CNTNAP5: variants seen among roughly 807,000 people sequenced by gnomAD.
CNTNAP5 encodes the protein contactin-associated protein-like 5.
In CNTNAP5, 72 loss-of-function variants were observed where a neutral mutation model predicts 150.2. That is an observed-to-expected ratio of 0.48 (90% CI 0.40 to 0.58). The LOEUF (loss-of-function observed/expected upper bound fraction) is 0.58, where lower values mean the gene tolerates loss of function less well. CNTNAP5 is among the 20% of genes least tolerant of loss of function. The pLI, the probability that CNTNAP5 is intolerant of heterozygous loss-of-function variation, is 0.00. For synonymous variants in CNTNAP5, 672 were observed against 619.8 expected (o/e 1.08, Z -1.25); for missense variants, 1,636 against 1,626.2 (o/e 1.01, Z -0.10).
At chr2:124,675,008 T>G (rs1450807831) in intron 13 of CNTNAP5, among the ~76,000 whole-genome samples, 1 of 152,134 alleles carries the variant, frequency 6.6e-6, no homozygotes, top group Admixed American at 6.5e-5. Context: ...TCTATGTTCT[T>G]GATCTTCTGC....
chr2:124,563,381 G>A lies in CNTNAP5; in HGVS notation c.1756+58G>A, dbSNP rs534010559. 6 of 981,068 alleles carry A rather than the reference G, an allele frequency of 6.1e-6. No homozygotes were observed. In the South Asian group the frequency reaches 7.1e-5, roughly 12 times the overall value. 60.8% of individuals were successfully genotyped at this position (981,068 alleles called of 1,614,324 possible). A position where few individuals can be genotyped will look rare whatever the true frequency, so the allele number is the denominator to read the frequency against. ...TGGACAAAACTCCAGGAACACCATT[G>A]TTAACTTCAGGATGTATTTAGCATG... On this transcript the variant is annotated intron_variant, in intron 11 of 23. Coordinates refer to ENST00000682447, the MANE Select transcript of CNTNAP5 (RefSeq NM_001367498.1).
At chr2:124,510,101 G>A (rs113723362) in intron 8 of CNTNAP5, among the ~76,000 whole-genome samples, 6,031 of 151,450 alleles carry the variant, frequency 0.04, 146 homozygotes, top group Non-Finnish European at 0.047. Flanking sequence ...CTTGCTACTC[G>A]GGAGGCTGAG....
chr2:124,608,986 A>G (rs1677313012), intron 11 of CNTNAP5, among the ~76,000 whole-genome samples: 1 of 152,074 alleles, frequency 6.6e-6, no homozygotes, highest in African/African-American at 2.4e-5. Context: ...GTAAAAAGCC[A>G]TACTGTATGT....
intron 3 of CNTNAP5, among the ~76,000 whole-genome samples, chr2:124,271,073 A>G (rs1463944143): frequency 1.3e-5 from 2 of 152,008 alleles, no homozygotes; most frequent in African/African-American, 2.4e-5. Context: ...GTCGTGAGCA[A>G]TCTCCTACTG....
intron 10 of CNTNAP5, among the ~76,000 whole-genome samples, chr2:124,539,627 G>T (rs917776555): frequency 6.6e-6 from 1 of 152,100 alleles, no homozygotes; most frequent in Non-Finnish European, 1.5e-5. Flanking sequence ...AAAGCAAGGC[G>T]ATATTATTCC....
At chr2:124,162,593 C>T (rs1529305) in intron 1 of CNTNAP5, among the ~76,000 whole-genome samples, 147,494 of 152,270 alleles carry the variant, frequency 0.97, 71,611 homozygotes, top group East Asian at 1. Flanking sequence ...AACATGATTC[C>T]TTCTCTTTAT....
intron 3 of CNTNAP5, among the ~76,000 whole-genome samples, chr2:124,357,363 G>A (rs377158403): frequency 1.3e-5 from 2 of 152,144 alleles, no homozygotes; most frequent in South Asian, 2.1e-4. Context: ...TTGGTGTTGT[G>A]GACATGAAGT....
In CNTNAP5 at chr2:124,909,204, G is replaced by A. The variant is rs115960298; in HGVS notation, c.3656-2263G>A. ...CATTCATGATAAGTGCCCTGTGCAG[G>A]TGTAGCATTTATTTAAATCTCATAT... On this transcript the variant is annotated intron_variant, in intron 22 of 23. Coordinates refer to ENST00000682447, the MANE Select transcript of CNTNAP5 (RefSeq NM_001367498.1). Among the ~76,000 whole-genome samples, 845 of 152,244 alleles carry A rather than the reference G, an allele frequency of 5.6e-3. 8 individuals are homozygous for A. The highest frequency in any genetic ancestry group is 0.02 in the African/African-American group (811 of 41,562).
intron 1 of CNTNAP5, among the ~76,000 whole-genome samples, chr2:124,195,456 A>G (rs943035471): frequency 6.6e-6 from 1 of 152,332 alleles, no homozygotes; most frequent in Admixed American, 6.5e-5. Flanking sequence ...ACTGTCCCAC[A>G]GCACCGACAG....
chr2:124,638,548 G>A (rs1678021100), intron 12 of CNTNAP5, among the ~76,000 whole-genome samples: 1 of 151,984 alleles, frequency 6.6e-6, no homozygotes, highest in Non-Finnish European at 1.5e-5. Context: ...TTTTGGACTT[G>A]CCTTTTCTTT....
intron 1 of CNTNAP5, among the ~76,000 whole-genome samples, chr2:124,037,214 C>T (rs532887397): frequency 6.6e-6 from 1 of 152,322 alleles, no homozygotes; most frequent in Non-Finnish European, 1.5e-5. Context: ...TTCATGCTTT[C>T]ACTGATGGCC....
chr2:124,826,088 C>G (rs1682586482), intron 19 of CNTNAP5, among the ~76,000 whole-genome samples: 1 of 151,702 alleles, frequency 6.6e-6, no homozygotes, highest in African/African-American at 2.4e-5. Flanking sequence ...ATATTAGCCT[C>G]AAGTAGTTTT....
intron 16 of CNTNAP5, among the ~76,000 whole-genome samples, chr2:124,765,682 G>C (rs966076702): frequency 6.6e-6 from 1 of 152,014 alleles, no homozygotes; most frequent in Non-Finnish European, 1.5e-5. Context: ...AAGTCAAGGC[G>C]CAGTGGCTCA....
Position 124,118,436 on chromosome 2 carries a change from G to T in CNTNAP5, c.82+92704G>T, listed in dbSNP as rs188025572. ...TCTCTGTCACTGGGCAGATTGAAGG[G>T]ATAGTAAAGAGGATTCAAAAGCACT... On this transcript the variant is annotated intron_variant, in intron 1 of 23. Coordinates refer to ENST00000682447, the MANE Select transcript of CNTNAP5 (RefSeq NM_001367498.1). Among the ~76,000 whole-genome samples the T allele has an allele frequency of 3.5e-3, 540 of 152,282 alleles. 4 individuals carry two copies. The highest frequency in any genetic ancestry group is 0.012 in the African/African-American group (502 of 41,558).
At chr2:124,774,396 A>T (rs1027509101) in intron 17 of CNTNAP5, among the ~76,000 whole-genome samples, 2 of 152,100 alleles carry the variant, frequency 1.3e-5, no homozygotes, top group African/African-American at 2.4e-5. Flanking sequence ...GAGTGTGAGG[A>T]TATCATATTC....
chr2:124,189,102 A>C (rs1469894064), intron 1 of CNTNAP5, among the ~76,000 whole-genome samples: 1 of 152,100 alleles, frequency 6.6e-6, no homozygotes, highest in Non-Finnish European at 1.5e-5. Flanking sequence ...GATAATTAAG[A>C]ATTGTTATTT....
intron 1 of CNTNAP5, among the ~76,000 whole-genome samples, chr2:124,182,234 AT>A (rs1685226736): frequency 1.3e-5 from 2 of 152,162 alleles, no homozygotes; most frequent in Non-Finnish European, 2.9e-5. Flanking sequence ...TATCCTTCAT[AT>A]GAATATTGTT....
intron 3 of CNTNAP5, among the ~76,000 whole-genome samples, chr2:124,404,951 G>T (rs1359108110): frequency 6.7e-6 from 1 of 148,798 alleles, no homozygotes; most frequent in Non-Finnish European, 1.5e-5. Flanking sequence ...TGATATTTGA[G>T]AGTAACAAAT....
At chr2:124,407,136 C>A (rs1691592027) in intron 3 of CNTNAP5, among the ~76,000 whole-genome samples, 1 of 152,084 alleles carries the variant, frequency 6.6e-6, no homozygotes, top group Non-Finnish European at 1.5e-5. Flanking sequence ...GTAAGTAGTG[C>A]TGTGATAAAC....
Sources: allele counts gnomAD v4.1 joint callset (sites outside exome capture counted in the v4.1 genomes callset), GRCh38; gene constraint gnomAD v4.1.1; transcripts MANE v1.5; gene names NCBI Gene and HGNC (gene_info 2026-07-23, HGNC 2026-07-21).